ARHGEF19: variants seen among roughly 807,000 people sequenced by gnomAD.
ARHGEF19 encodes the protein Rho guanine nucleotide exchange factor 19.
A neutral mutation model predicts 87.6 loss-of-function variants in ARHGEF19; 92 were observed. The observed-to-expected ratio is 1.05, with a 90% CI of 0.89 to 1.25. The LOEUF is 1.25. ARHGEF19 is among the 50% of genes most tolerant of loss of function. The pLI is 0.00. For synonymous variants in ARHGEF19, 438 were observed against 446.2 expected, an observed-to-expected ratio of 0.98 and a Z score of 0.23; for missense variants, 1,054 against 1,051.8, an observed-to-expected ratio of 1.00 and a Z score of -0.03.
In ARHGEF19 at chr1:16,208,652, T is replaced by A; in HGVS notation, c.403A>T (p.Lys135Ter). The part of the protein sequence containing the change: ...QRRASHGSEK[K>*]SAWRKMRVYQ... ...CCCCAGGGTGACTCACAGGCAGACT[T>A]CTTCTCCGAGCCGTGGCTGGCCCGG... The change falls in exon 2 of 16, where the codon AAG becomes TAG. Residue 135 changes from lysine to a stop codon, truncating the protein, a stop_gained. Coordinates refer to ENST00000270747, the MANE Select transcript of ARHGEF19 (RefSeq NM_153213.5). LOFTEE classifies it high-confidence loss of function. 3 of 1,603,388 alleles carry A rather than the reference T, an allele frequency of 1.9e-6. No homozygotes were observed. Among genetic ancestry groups the A allele is most frequent in the Non-Finnish European group, 2.5e-6 (3 of 1,176,526 alleles).
Position 16,206,093 on chromosome 1 carries a change from C to G in ARHGEF19, c.1299-10G>C, listed in dbSNP as rs1167016299. ...CAGGTCCTGCAGGAACCTGAGGAGT[C>G]AGAGCCAGGATGGAGACCCCAGATC... On this transcript the variant is annotated splice_polypyrimidine_tract_variant and intron_variant, in intron 7 of 15. Coordinates refer to ENST00000270747, the MANE Select transcript of ARHGEF19 (RefSeq NM_153213.5). This position sits in a 1 kb window ranked among gnomAD's most constrained non-coding sequence, Gnocchi z 4.6. 3.2e-6 allele frequency: 5 copies of G among 1,576,340 alleles called. No individual in the cohort carries two copies. Among genetic ancestry groups the G allele is most frequent in the Non-Finnish European group, 4.3e-6 (5 of 1,160,520 alleles).
rs1394354379 is a variant in ARHGEF19, at chr1:16,207,817, T to TGGGCCTG, written c.695-47_695-41dup. ...AACTGAGGGTGGGGGGTCCAGAGAG[T>TGGGCCTG]GGGCCTGGGGCCTGGGCCCCGGCCC... On this transcript the variant is annotated intron_variant, in intron 3 of 15. Transcript: ENST00000270747. The surrounding 1 kb of genome is among the most constrained non-coding windows in gnomAD (Gnocchi z 4.0). 1.9e-6 allele frequency: 3 copies of TGGGCCTG among 1,609,394 alleles called. No homozygotes were observed. Among genetic ancestry groups the TGGGCCTG allele is most frequent in the Admixed American group, 1.7e-5 (1 of 59,874 alleles).
chr1:16,207,461 C>T lies in ARHGEF19; in HGVS notation c.874+61G>A. ...TCAACTCTCCAAACCCTCTTTTCCC[C>T]GTTTCCACACCGCAGCCCCTTCCTC... On this transcript the variant is annotated intron_variant, in intron 5 of 15. Transcript: ENST00000270747. The surrounding 1 kb of genome is among the most constrained non-coding windows in gnomAD (Gnocchi z 4.0). 2 of 1,592,708 alleles carry T rather than the reference C, an allele frequency of 1.3e-6. No individual in the cohort carries two copies. The highest frequency in any genetic ancestry group is 1.7e-6 in the Non-Finnish European group (2 of 1,163,930).
In ARHGEF19 at chr1:16,208,211, C is replaced by T. The variant is rs1270254659; in HGVS notation, c.427G>A (p.Val143Met). Residue 143 changes from valine to methionine, a missense_variant, in exon 3 of 16, where the codon GTG becomes ATG. Val to Met is a conservative substitution (Grantham distance 21). Transcript: ENST00000270747. ...EKKSAWRKMR[V>M]YQREEVPGCP... ...CCGGGGACCTCTTCACGCTGGTACA[C>T]CCGCATCTTGCGCCCTAGGGTTGGG... 2 of 1,612,548 alleles carry T rather than the reference C, an allele frequency of 1.2e-6. No individual in the cohort carries two copies. Among genetic ancestry groups the T allele is most frequent in the Admixed American group, 1.7e-5 (1 of 59,990 alleles).
intron 2 of ARHGEF19, among the ~76,000 whole-genome samples, chr1:16,208,436 C>T (rs189816590): frequency 1.1e-3 from 172 of 152,346 alleles, no homozygotes; most frequent in Non-Finnish European, 2.2e-3. Flanking sequence ...ACAGAGGGAT[C>T]AGGCTGCCCA....
chr1:16,210,794 T>G (rs221063), intron 1 of ARHGEF19, among the ~76,000 whole-genome samples: 111,547 of 152,100 alleles, frequency 0.73, 41,136 homozygotes, highest in East Asian at 0.86. Context: ...GAGGTGATAG[T>G]TAACTGCTCC....
chr1:16,211,072 C>G (rs2081192521), intron 1 of ARHGEF19, among the ~76,000 whole-genome samples: 1 of 152,162 alleles, frequency 6.6e-6, no homozygotes, highest in South Asian at 2.1e-4. Flanking sequence ...AGCCTCTGTC[C>G]CTCTAGCCTG....
At chr1:16,201,637 A>G (rs1364890316) in intron 14 of ARHGEF19, 145 bp downstream of exon 14, 4 of 727,154 alleles carry the variant, frequency 5.5e-6, no homozygotes, top group East Asian at 5.8e-5. Flanking sequence ...CCAGCCTTCA[A>G]GGTTCCTCAG....
chr1:16,198,588 C>A lies in ARHGEF19; in HGVS notation c.2408G>T (p.Ter803LeuextTer6). The A allele has an allele frequency of 6.2e-7, 1 of 1,605,556 alleles. No individual in the cohort carries two copies. ...GGGGTCCTAGGCCATGGCTGCCCAT[C>A]ACACAGGAGCCTCCCCCAGTTTGCT... The part of the protein sequence containing the change: ...ATSKLGEAPV[*>L] The change falls in exon 16 of 16, where the codon TGA becomes TTA. Residue 803 changes from the stop codon to leucine (L), a stop_lost. Coordinates refer to ENST00000270747, the MANE Select transcript of ARHGEF19 (RefSeq NM_153213.5). The surrounding 1 kb of genome is among the most constrained non-coding windows in gnomAD (Gnocchi z 4.1).
Position 16,207,047 on chromosome 1 carries a change from C to T in ARHGEF19, c.1038G>A (p.Ser346=). The T allele has an allele frequency of 1.3e-6, 2 of 1,508,400 alleles. No homozygotes were observed. The highest frequency in any genetic ancestry group is 8.8e-7 in the Non-Finnish European group (1 of 1,131,376). The allele number at this position is 1,508,400 out of a possible 1,614,324, so 93.4% of individuals were successfully genotyped here. Residue 346 remains serine (S), a synonymous_variant, in exon 6 of 16, where the codon TCG becomes TCA. Coordinates refer to ENST00000270747, the MANE Select transcript of ARHGEF19 (RefSeq NM_153213.5). The surrounding 1 kb of genome is among the most constrained non-coding windows in gnomAD (Gnocchi z 4.0). ...SPSSSFRAQR[S]ARGSTFSLWQ... ...ACAGCGAGAAGGTGGAGCCTCGCGC[C>T]GAGCGCTGCGCCCGGAAGGAGCTGC...
At chr1:16,208,342 G>A (rs568311244) in intron 2 of ARHGEF19, 117 bp from the exon 3 acceptor site, 2 of 1,316,428 alleles carry the variant, frequency 1.5e-6, no homozygotes, top group East Asian at 2.5e-5. Context: ...CAAGGGAAGG[G>A]CCTGTGTTTC....
At position 16,205,179 on chromosome 1, in the gene ARHGEF19, G is replaced by T. The variant is rs762000781; in HGVS notation, c.1657-3C>A. ...CTAGCATTGCACTCCTGCACCAGCTGGGGGAGCCGTGGGGAGGTCACCTGC... is the reference window on the plus strand; with the variant it reads ...CTAGCATTGCACTCCTGCACCAGCTTGGGGAGCCGTGGGGAGGTCACCTGC... On this transcript the variant is annotated splice_region_variant and splice_polypyrimidine_tract_variant and intron_variant, in intron 10 of 15. Transcript: ENST00000270747. This position sits in a 1 kb window ranked among gnomAD's most constrained non-coding sequence, Gnocchi z 5.8. 6.3e-7 allele frequency: 1 copy of T among 1,595,820 alleles called. No homozygotes were observed. The highest frequency in any genetic ancestry group is 1.1e-5 in the South Asian group (1 of 88,832).
At chr1:16,204,034 TC>T (rs2081103686) in intron 12 of ARHGEF19, among the ~76,000 whole-genome samples, 1 of 152,288 alleles carries the variant, frequency 6.6e-6, no homozygotes, top group African/African-American at 2.4e-5. Context: ...AACATGTCCA[TC>T]CTTTTTTGTT....
chr1:16,205,914 A>G lies in ARHGEF19; in HGVS notation c.1451+17T>C. ...CTCCCTCCACGCCCCCGCCCCTTTCAGAGCCCCCAGCCCTACAGCAGGCGC... is the reference window on the plus strand; with the variant it reads ...CTCCCTCCACGCCCCCGCCCCTTTCGGAGCCCCCAGCCCTACAGCAGGCGC... On this transcript the variant is annotated intron_variant, in intron 8 of 15. Transcript: ENST00000270747. This position sits in a 1 kb window ranked among gnomAD's most constrained non-coding sequence, Gnocchi z 5.8. 1 of 1,595,290 alleles carries G rather than the reference A, an allele frequency of 6.3e-7. No individual in the cohort carries two copies. The highest frequency in any genetic ancestry group is 1.1e-5 in the South Asian group (1 of 88,404).
chr1:16,206,940 G>T lies in ARHGEF19; in HGVS notation c.1137+8C>A. 19 of 1,424,224 alleles carry T rather than the reference G, an allele frequency of 1.3e-5. No homozygotes were observed. The highest frequency in any genetic ancestry group is 1.6e-5 in the Non-Finnish European group (17 of 1,094,996). 88.2% of individuals were successfully genotyped at this position (1,424,224 alleles called of 1,614,324 possible). ...CCCCCGCCCCGCCGGGTCCCCGCGC[G>T]CGCCCACCTCCTGCAGCTTGCAGTC... On this transcript the variant is annotated splice_region_variant and intron_variant, in intron 6 of 15. Transcript: ENST00000270747. The surrounding 1 kb of genome is among the most constrained non-coding windows in gnomAD (Gnocchi z 4.6).
chr1:16,204,175 A>G (rs962830317), intron 12 of ARHGEF19, among the ~76,000 whole-genome samples: 7 of 152,152 alleles, frequency 4.6e-5, no homozygotes, highest in Non-Finnish European at 1.0e-4. Context: ...CCACATGTCC[A>G]TCCTTTATCC....
chr1:16,210,158 G>A (rs575425160), intron 1 of ARHGEF19, among the ~76,000 whole-genome samples: 109 of 152,374 alleles, frequency 7.2e-4, no homozygotes, highest in African/African-American at 2.6e-3. Flanking sequence ...GCCCAGGCCC[G>A]CTGCTGATGC....
In ARHGEF19 at chr1:16,209,074, C is replaced by A. The variant is rs776189064; in HGVS notation, c.-20G>T. The A allele has an allele frequency of 4.8e-6, 7 of 1,449,920 alleles. No homozygotes were observed. Among genetic ancestry groups the A allele is most frequent in the Non-Finnish European group, 6.4e-6 (7 of 1,101,684 alleles). The allele number at this position is 1,449,920 out of a possible 1,614,324, so 89.8% of individuals were successfully genotyped here. A position where few individuals can be genotyped will look rare whatever the true frequency, so the allele number is the denominator to read the frequency against. On this transcript the variant is annotated 5_prime_UTR_variant, in exon 2 of 16. Coordinates refer to ENST00000270747, the MANE Select transcript of ARHGEF19 (RefSeq NM_153213.5). The stretch of plus-strand genomic sequence containing the variant: ...GTCCATTCCTCTTTTGCTCTGCCAC[C>A]CACCTGGCCCTGCAGAAGAGAAGAT...
Position 16,206,313 on chromosome 1 carries a change from C to T in ARHGEF19, c.1165G>A (p.Ala389Thr), listed in dbSNP as rs1159140014. 12 of 1,580,120 alleles carry T rather than the reference C, an allele frequency of 7.6e-6. No individual in the cohort carries two copies. The highest frequency in any genetic ancestry group is 1.0e-5 in the Non-Finnish European group (12 of 1,163,668). ...EAKFELITSEASYIHSLSVAV... is the reference protein window; with the variant it reads ...EAKFELITSETSYIHSLSVAV... Reference sequence around the variant, plus strand: ...ACCGACAGGCTGTGGATGTAGGAGGCCTCGGAGGTGATCAGCTCAAACTTG... The same window carrying T: ...ACCGACAGGCTGTGGATGTAGGAGGTCTCGGAGGTGATCAGCTCAAACTTG... Residue 389 changes from alanine (A) to threonine (T), a missense_variant, in exon 7 of 16, where the codon GCC becomes ACC. Physicochemically the swap from Ala to Thr is moderately conservative, Grantham distance 58. Transcript: ENST00000270747. The surrounding 1 kb of genome is among the most constrained non-coding windows in gnomAD (Gnocchi z 4.6).
Sources: allele counts gnomAD v4.1 joint callset (sites outside exome capture counted in the v4.1 genomes callset), GRCh38; gene constraint gnomAD v4.1.1; non-coding constraint Gnocchi (gnomAD v3.1); transcripts MANE v1.5; gene names NCBI Gene and HGNC (gene_info 2026-07-23, HGNC 2026-07-21).